Variants in ZBBX observed in about 807,000 individuals in gnomAD.
The protein encoded by ZBBX is zinc finger B-box domain-containing protein 1.
ZBBX carries 101 observed loss-of-function variants against 108.5 expected under a neutral mutation model. That is an observed-to-expected ratio of 0.93 (90% CI 0.79 to 1.10). ZBBX has a LOEUF of 1.10. ZBBX is among the 50% of genes least tolerant of loss of function. The pLI is 0.00. For synonymous variants in ZBBX, 356 were observed against 323.4 expected, an observed-to-expected ratio of 1.10 and a Z score of -1.08; for missense variants, 1,009 against 941.4, an observed-to-expected ratio of 1.07 and a Z score of -0.94.
chr3:167,180,026 C>A, the ZBBX span, among the ~76,000 whole-genome samples: 12 of 151,528 alleles, frequency 7.9e-5, no homozygotes, highest in Non-Finnish European at 1.6e-4. Flanking sequence ...ATCATAGTAG[C>A]AATTTGATCC....
intron 1 of ZBBX, among the ~76,000 whole-genome samples, chr3:167,402,444 C>G (rs1315545472): frequency 6.6e-6 from 1 of 152,034 alleles, no homozygotes; most frequent in Non-Finnish European, 1.5e-5. Flanking sequence ...CTTTAGCCAA[C>G]AGATGAAAAA....
intron 19 of ZBBX, among the ~76,000 whole-genome samples, chr3:167,285,080 A>G (rs1018921134): frequency 1.3e-5 from 2 of 152,146 alleles, no homozygotes; most frequent in Non-Finnish European, 2.9e-5. Flanking sequence ...CTGATCAGTT[A>G]TATTCTAAAT....
intron 18 of ZBBX, among the ~76,000 whole-genome samples, chr3:167,292,860 A>T (rs1178928999): frequency 5.3e-5 from 8 of 152,334 alleles, no homozygotes; most frequent in African/African-American, 1.9e-4. Flanking sequence ...AAAAATGGCA[A>T]AGGGGATATC....
At chr3:167,311,697 G>A (rs1281280573) in intron 16 of ZBBX, among the ~76,000 whole-genome samples, 1 of 151,616 alleles carries the variant, frequency 6.6e-6, no homozygotes, top group Non-Finnish European at 1.5e-5. Context: ...GATATCATAT[G>A]TCAACAGAGA....
chr3:167,182,174 G>A, the ZBBX span, among the ~76,000 whole-genome samples: 1 of 152,066 alleles, frequency 6.6e-6, no homozygotes, highest in East Asian at 1.9e-4. Context: ...GTTAAAACAA[G>A]CTCCAGGAAA....
intron 8 of ZBBX, among the ~76,000 whole-genome samples, chr3:167,352,388 A>T (rs1224839410): frequency 1.3e-5 from 2 of 152,112 alleles, no homozygotes; most frequent in Non-Finnish European, 2.9e-5. Flanking sequence ...CATATAGAAA[A>T]TGAATAAATT....
intron 20 of ZBBX, among the ~76,000 whole-genome samples, chr3:167,272,844 C>T (rs59260281): frequency 0.05 from 7,653 of 152,166 alleles, 526 homozygotes; most frequent in African/African-American, 0.15. Flanking sequence ...TGTGGAAAAC[C>T]GAATATCAAG....
chr3:167,368,480 T>C lies in ZBBX; in HGVS notation c.163A>G (p.Lys55Glu). 1 of 1,611,772 alleles carries C rather than the reference T, an allele frequency of 6.2e-7. No homozygotes were observed. Among genetic ancestry groups the C allele is most frequent in the Non-Finnish European group, 8.5e-7 (1 of 1,178,418 alleles). ...KLQEFRSTRNKEKEDRESSEY... is the reference protein window; with the variant it reads ...KLQEFRSTRNEEKEDRESSEY... ...ACTCACTCTCTATCTTCCTTTTCTTTGTTTCTTGTGGATCGGAATTCTTGC... is the reference window on the plus strand; with the variant it reads ...ACTCACTCTCTATCTTCCTTTTCTTCGTTTCTTGTGGATCGGAATTCTTGC... Residue 55 changes from lysine to glutamate, a missense_variant, in exon 5 of 22, where the codon AAA (lysine) becomes GAA (glutamate). By Grantham distance (56) the Lys-to-Glu change is moderately conservative (BLOSUM62 1). Transcript: ENST00000675490.
At chr3:167,201,323 A>T in the ZBBX span, among the ~76,000 whole-genome samples, 1 of 152,224 alleles carries the variant, frequency 6.6e-6, no homozygotes, top group East Asian at 1.9e-4. Context: ...TGTTATTTTA[A>T]ATCTATTCAG....
chr3:167,334,018 C>T, intron 9 of ZBBX, 33 bp from the exon 10 acceptor site: 1 of 1,414,400 alleles, frequency 7.1e-7, no homozygotes, highest in Non-Finnish European at 9.4e-7. Flanking sequence ...ATTAAAGCGC[C>T]TCATATGTTA....
At chr3:167,327,882 C>G in intron 11 of ZBBX, 60 bp downstream of exon 11, 2 of 1,497,562 alleles carry the variant, frequency 1.3e-6, no homozygotes, top group Non-Finnish European at 1.8e-6. Context: ...CCGCTGCACT[C>G]CAGCCTGGGC....
chr3:167,374,954 G>A (rs894906464), intron 2 of ZBBX, among the ~76,000 whole-genome samples: 2 of 152,082 alleles, frequency 1.3e-5, no homozygotes, highest in Non-Finnish European at 2.9e-5. Flanking sequence ...TGCAGGTTAC[G>A]TGGAAGAAAA....
chr3:167,243,613 C>T (rs1186200396), intron 20 of ZBBX, among the ~76,000 whole-genome samples: 1 of 151,930 alleles, frequency 6.6e-6, no homozygotes, highest in African/African-American at 2.4e-5. Context: ...GGTCAGGCTG[C>T]TCTTGAACTC....
At chr3:167,329,916 A>C (rs1738133999) in intron 10 of ZBBX, among the ~76,000 whole-genome samples, 1 of 152,218 alleles carries the variant, frequency 6.6e-6, no homozygotes, top group African/African-American at 2.4e-5. Context: ...AATGTTACAG[A>C]CATTTGCCCA....
Position 167,361,143 on chromosome 3 carries a change from C to T in ZBBX, c.274-420G>A, listed in dbSNP as rs536491778. On this transcript the variant is annotated intron_variant, in intron 6 of 21. Transcript: ENST00000675490. ...TTGTGACTAAGCTATTCTGCTTACA[C>T]TACTATAGAAACCCATATTATTTTA... Among the ~76,000 whole-genome samples, 18 of 152,136 alleles carry T rather than the reference C, an allele frequency of 1.2e-4. No homozygotes were observed. In the South Asian group the frequency reaches 2.7e-3, roughly 23 times the overall value.
At chr3:167,323,945 C>A (rs1189622512) in intron 11 of ZBBX, among the ~76,000 whole-genome samples, 1 of 151,974 alleles carries the variant, frequency 6.6e-6, no homozygotes, top group Admixed American at 6.6e-5. Context: ...AATACTAAAA[C>A]AAAACCAAGT....
intron 6 of ZBBX, among the ~76,000 whole-genome samples, chr3:167,363,768 AG>A (rs1744909264): frequency 6.6e-6 from 1 of 152,070 alleles, no homozygotes; most frequent in African/African-American, 2.4e-5. Context: ...CTGCAACAAT[AG>A]TCTTTACTCA....
At position 167,379,642 on chromosome 3, in the gene ZBBX, G is replaced by A. The variant is rs1230515309; in HGVS notation, c.-136C>T. 3 of 152,076 alleles carry A rather than the reference G, an allele frequency of 2.0e-5. No individual in the cohort carries two copies. Among genetic ancestry groups the A allele is most frequent in the Admixed American group, 6.5e-5 (1 of 15,276 alleles). 9.4% of individuals were successfully genotyped at this position (152,076 alleles called of 1,614,324 possible). ...ATATAACTGAACCTTACATACCTGA[G>A]TCCCTCTACTGCTGATTTTGGGAAG... On this transcript the variant is annotated 5_prime_UTR_variant, in exon 2 of 22. Coordinates refer to ENST00000675490, the MANE Select transcript of ZBBX (RefSeq NM_001199201.2).
the ZBBX span, among the ~76,000 whole-genome samples, chr3:167,229,089 A>C: frequency 1.3e-4 from 20 of 151,840 alleles, no homozygotes; most frequent in Non-Finnish European, 2.7e-4. Context: ...TGAATTCAGT[A>C]TCTTTCGTCT....
Sources: allele counts gnomAD v4.1 joint callset (sites outside exome capture counted in the v4.1 genomes callset), GRCh38; gene constraint gnomAD v4.1.1; transcripts MANE v1.5; gene names NCBI Gene and HGNC (gene_info 2026-07-23, HGNC 2026-07-21).